The following PLEKHG4B variants were observed in gnomAD, a reference collection of about 807,000 sequenced individuals.
PLEKHG4B encodes the protein pleckstrin homology and RhoGEF domain containing G4B.
Under a neutral mutation model 121.3 loss-of-function variants are expected in PLEKHG4B, and 111 were observed. The observed-to-expected ratio is 0.92, with a 90% CI of 0.78 to 1.07. PLEKHG4B has a LOEUF of 1.07. Ranked by LOEUF, PLEKHG4B falls within the 50% of genes least tolerant of loss-of-function variation. The pLI is 0.00. For missense variants in PLEKHG4B, 1,831 were observed against 1,757.8 expected, an observed-to-expected ratio of 1.04 and a Z score of -0.74; for synonymous variants, 738 against 725.0, an observed-to-expected ratio of 1.02 and a Z score of -0.29.
At chr5:161,706 C>G in intron 11 of PLEKHG4B, 77 bp from the exon 12 acceptor site, 1 of 1,600,122 alleles carries the variant, frequency 6.2e-7, no homozygotes, top group Non-Finnish European at 8.5e-7. Context: ...AGTGGCTACA[C>G]GCAGACCCAG....
At chr5:132,800 A>G (rs962340834) in intron 2 of PLEKHG4B, among the ~76,000 whole-genome samples, 22 of 152,104 alleles carry the variant, frequency 1.4e-4, no homozygotes, top group African/African-American at 5.3e-4. Flanking sequence ...CTCTGGCCTT[A>G]TAGTATAGTT....
At position 161,791 on chromosome 5, in the gene PLEKHG4B, C is replaced by T; in HGVS notation, c.2496C>T (p.Cys832=). 6.2e-7 allele frequency: 1 copy of T among 1,613,624 alleles called. No individual in the cohort carries two copies. The highest frequency in any genetic ancestry group is 8.5e-7 in the Non-Finnish European group (1 of 1,180,022). The stretch of plus-strand genomic sequence containing the variant: ...TTGTTCCTTGGGTACAGCAATCCTG[C>T]CAGAAAGGACTACAGCTGGCGAAGG... The part of the protein sequence containing the change: ...SLLEGNDQQS[C]QKGLQLAKEN... Residue 832 remains cysteine (C), a synonymous_variant, in exon 12 of 20, where the codon TGC becomes TGT. Coordinates refer to ENST00000637938, the MANE Select transcript of PLEKHG4B (RefSeq NM_052909.5).
At chr5:148,707 C>T (rs1044562795) in intron 6 of PLEKHG4B, among the ~76,000 whole-genome samples, 10 of 152,002 alleles carry the variant, frequency 6.6e-5, no homozygotes, top group African/African-American at 1.9e-4. Context: ...TGTTTCTTGC[C>T]GAAATAGGAA....
In PLEKHG4B at chr5:100,822, T is replaced by C. The variant is rs376150203; in HGVS notation, c.45+8546T>C. On this transcript the variant is annotated intron_variant, in intron 1 of 19. Transcript: ENST00000637938. ...AATCCATATAAAGCCCTGGGAAAAG[T>C]CTGTAGGGGAGAGACTGTTGTGAGG... Among the ~76,000 whole-genome samples, 793 of 104,120 alleles carry C rather than the reference T, an allele frequency of 7.6e-3. 1 individual carries two copies. The highest frequency in any genetic ancestry group is 1.0e-2 in the Non-Finnish European group (534 of 53,630). 68.3% of individuals were successfully genotyped at this position (104,120 alleles called of 152,430 possible).
At chr5:110,652 A>G (rs1319855518) in intron 1 of PLEKHG4B, among the ~76,000 whole-genome samples, 2 of 149,812 alleles carry the variant, frequency 1.3e-5, no homozygotes, top group African/African-American at 4.9e-5. Flanking sequence ...CATCCACACA[A>G]TCTGCAACAC....
intron 18 of PLEKHG4B, among the ~76,000 whole-genome samples, chr5:174,507 G>A (rs752321875): frequency 1.8e-4 from 27 of 152,100 alleles, no homozygotes; most frequent in South Asian, 8.3e-4. Flanking sequence ...AGATTCAGGC[G>A]GTATGATTAA....
chr5:152,191 G>C (rs146471251), intron 7 of PLEKHG4B, among the ~76,000 whole-genome samples: 1 of 150,736 alleles, frequency 6.6e-6, no homozygotes, highest in Non-Finnish European at 1.5e-5. Context: ...GACCTTTTTA[G>C]CCATTCTTTC....
At chr5:148,246 G>T (rs1579290006) in intron 6 of PLEKHG4B, among the ~76,000 whole-genome samples, 1 of 151,428 alleles carries the variant, frequency 6.6e-6, no homozygotes, top group East Asian at 1.9e-4. Context: ...AAAGTGGGGG[G>T]TGGGGGAGAA....
rs748927029 is a variant in PLEKHG4B at position 151,501 on chromosome 5, T to C, written c.1906-12T>C. ...AAGCTAATCAGTAATATTTATTTCT[T>C]ATTTATTTCAGAACAACACATCTCC... On this transcript the variant is annotated splice_polypyrimidine_tract_variant and intron_variant, in intron 6 of 19. Coordinates refer to ENST00000637938, the MANE Select transcript of PLEKHG4B (RefSeq NM_052909.5). 2 of 1,500,230 alleles carry C rather than the reference T, an allele frequency of 1.3e-6. No homozygotes were observed. Among genetic ancestry groups the C allele is most frequent in the Non-Finnish European group, 1.8e-6 (2 of 1,092,466 alleles). 92.9% of individuals were successfully genotyped at this position (1,500,230 alleles called of 1,614,324 possible).
chr5:174,879 C>T (rs896263430), intron 18 of PLEKHG4B, among the ~76,000 whole-genome samples: 1 of 152,044 alleles, frequency 6.6e-6, no homozygotes, highest in African/African-American at 2.4e-5. Context: ...CTCCGTGACT[C>T]GATCTCCAAA....
At chr5:180,700 C>G (rs1038542764) in intron 18 of PLEKHG4B, among the ~76,000 whole-genome samples, 1 of 152,228 alleles carries the variant, frequency 6.6e-6, no homozygotes, top group Non-Finnish European at 1.5e-5. Flanking sequence ...CCCGCGTCCA[C>G]GTGCACAGCT....
intron 1 of PLEKHG4B, among the ~76,000 whole-genome samples, chr5:102,749 A>T (rs1245228752): frequency 6.6e-6 from 1 of 152,218 alleles, no homozygotes. Flanking sequence ...CAGTGTGAGA[A>T]CAGACTAATA....
chr5:156,070 G>A lies in PLEKHG4B; in HGVS notation c.2209-1G>A. On this transcript the variant is annotated splice_acceptor_variant, in intron 9 of 19. Transcript: ENST00000637938. LOFTEE classifies it high-confidence loss of function. The surrounding 1 kb of genome is among the most constrained non-coding windows in gnomAD (Gnocchi z 4.4). ...GGCTTATTCCTCCCCATCCCGTGCAGGAAGTCGCCGAGTTAATTGACCAGC... is the reference window on the plus strand; with the variant it reads ...GGCTTATTCCTCCCCATCCCGTGCAAGAAGTCGCCGAGTTAATTGACCAGC... 1.3e-6 allele frequency: 2 copies of A among 1,578,286 alleles called. No homozygotes were observed. The highest frequency in any genetic ancestry group is 1.7e-6 in the Non-Finnish European group (2 of 1,160,006).
intron 11 of PLEKHG4B, among the ~76,000 whole-genome samples, chr5:160,101 A>T (rs1735943153): frequency 6.6e-6 from 1 of 152,200 alleles, no homozygotes; most frequent in African/African-American, 2.4e-5. Flanking sequence ...TATATATTTA[A>T]CCTAAAAAGT....
At position 154,810 on chromosome 5, in the gene PLEKHG4B, T is replaced by A. The variant is rs1015495414; in HGVS notation, c.1993-65T>A. The A allele has an allele frequency of 7.2e-6, 9 of 1,249,684 alleles. No individual in the cohort carries two copies. The African/African-American group carries it at 1.3e-4, about 18-fold the overall frequency. 77.4% of individuals were successfully genotyped at this position (1,249,684 alleles called of 1,614,324 possible). ...ATCCTCTGAACCCAGGAATGAGCCA[T>A]TTACAGTGTTTGCCCCCAAGAGATG... On this transcript the variant is annotated intron_variant, in intron 7 of 19. Transcript: ENST00000637938.
At chr5:181,209 C>G (rs1010050234) in intron 18 of PLEKHG4B, among the ~76,000 whole-genome samples, 1 of 152,204 alleles carries the variant, frequency 6.6e-6, no homozygotes, top group African/African-American at 2.4e-5. Flanking sequence ...CTGTGTGGCC[C>G]TCCCTTGCTT....
At chr5:98,424 G>GATTTTT (rs1560891752) in intron 1 of PLEKHG4B, among the ~76,000 whole-genome samples, 1 of 80,870 alleles carries the variant, frequency 1.2e-5, no homozygotes, top group Non-Finnish European at 2.4e-5. Context: ...GTTTACTGTA[G>GATTTTT]CTTTTTTTTT....
At chr5:111,761 C>G (rs1734165937) in intron 1 of PLEKHG4B, among the ~76,000 whole-genome samples, 1 of 152,208 alleles carries the variant, frequency 6.6e-6, no homozygotes, top group Admixed American at 6.5e-5. Flanking sequence ...CGAGATGCCT[C>G]TCCTAGATCA....
intron 18 of PLEKHG4B, among the ~76,000 whole-genome samples, chr5:177,605 A>C (rs748836535): frequency 5.9e-5 from 9 of 152,152 alleles, no homozygotes; most frequent in Non-Finnish European, 1.0e-4. Context: ...AAGGCAGAAA[A>C]AGAGACCCAG....
Sources: gnomAD v4.1 joint callset for allele counts (sites outside exome capture counted in the v4.1 genomes callset) on GRCh38, gnomAD v4.1.1 for gene constraint, Gnocchi (gnomAD v3.1) non-coding constraint, MANE v1.5 for transcripts, NCBI Gene and HGNC (gene_info 2026-07-23, HGNC 2026-07-21) for gene names.